Variants in FAM227A observed in about 807,000 individuals in gnomAD.
The protein encoded by FAM227A is protein FAM227A.
A neutral mutation model predicts 74.7 loss-of-function variants in FAM227A; 80 were observed. That is an observed-to-expected ratio of 1.07 (90% CI 0.89 to 1.29). The LOEUF (loss-of-function observed/expected upper bound fraction) is 1.29. FAM227A is among the 50% of genes most tolerant of loss of function. The pLI, the probability that FAM227A is intolerant of heterozygous loss-of-function variation, is 0.00. For synonymous variants in FAM227A, 237 were observed against 241.8 expected (o/e 0.98, Z 0.19); for missense variants, 654 against 683.4 (o/e 0.96, Z 0.48).
intron 15 of FAM227A, among the ~76,000 whole-genome samples, chr22:38,595,083 C>A (rs534709265): frequency 2.0e-5 from 3 of 152,144 alleles, no homozygotes; most frequent in East Asian, 3.9e-4. Flanking sequence ...GGCGACAGAG[C>A]GAGACTCCAT....
At chr22:38,638,222 C>T (rs537429687) in intron 5 of FAM227A, among the ~76,000 whole-genome samples, 2 of 152,006 alleles carry the variant, frequency 1.3e-5, no homozygotes, top group East Asian at 1.9e-4. Flanking sequence ...GGGGGCTGTG[C>T]GGTGGGGCCA....
At chr22:38,626,732 G>A (rs554420971) in intron 8 of FAM227A, among the ~76,000 whole-genome samples, 1 of 150,496 alleles carries the variant, frequency 6.6e-6, no homozygotes, top group South Asian at 2.1e-4. Flanking sequence ...AAAATAGCTG[G>A]GTGTGGTGGT....
chr22:38,621,858 G>A (rs1409865724), intron 10 of FAM227A, among the ~76,000 whole-genome samples: 2 of 152,124 alleles, frequency 1.3e-5, no homozygotes, highest in African/African-American at 2.4e-5. Flanking sequence ...CAAACGCCAC[G>A]TACTGACCTT....
chr22:38,637,648 T>C (rs1308349897), intron 5 of FAM227A, among the ~76,000 whole-genome samples: 1 of 152,230 alleles, frequency 6.6e-6, no homozygotes, highest in Non-Finnish European at 1.5e-5. Context: ...TGCAGTCAGG[T>C]GGCAGCTCCG....
chr22:38,599,827 G>A lies in FAM227A; in HGVS notation c.1316C>T (p.Ala439Val). 6.4e-7 allele frequency: 1 copy of A among 1,551,462 alleles called. No individual in the cohort carries two copies. Among genetic ancestry groups the A allele is most frequent in the Non-Finnish European group, 8.7e-7 (1 of 1,146,906 alleles). ...PLIVYFLQNY[A>V]SLQQHGKNVL... ...ATTCTTGCCGTGCTGCTGCAGACTGGCATAGTTCTGGAGAAAGTACACAAT... is the reference window on the plus strand; with the variant it reads ...ATTCTTGCCGTGCTGCTGCAGACTGACATAGTTCTGGAGAAAGTACACAAT... Residue 439 changes from alanine (A) to valine (V), a missense_variant, in exon 14 of 17, where the codon GCC becomes GTC. Physicochemically the swap from Ala to Val is moderately conservative, Grantham distance 64. Transcript: ENST00000535113.
intron 3 of FAM227A, among the ~76,000 whole-genome samples, chr22:38,642,288 G>A (rs1335128787): frequency 1.3e-5 from 2 of 152,196 alleles, no homozygotes; most frequent in Admixed American, 6.5e-5. Flanking sequence ...ATGGGAACCA[G>A]TAGCAAAGCC....
chr22:38,586,437 T>A (rs4560233), intron 16 of FAM227A, among the ~76,000 whole-genome samples: 39,914 of 151,858 alleles, frequency 0.26, 5,545 homozygotes, highest in East Asian at 0.36. Flanking sequence ...CACTGCTGTG[T>A]CGGATCTGAA....
At position 38,650,093 on chromosome 22, in the gene FAM227A, C is replaced by G. The variant is rs913986892; in HGVS notation, c.76G>C (p.Val26Leu). The G allele has an allele frequency of 1.0e-5, 16 of 1,551,928 alleles. No homozygotes were observed. The highest frequency in any genetic ancestry group is 1.2e-5 in the Non-Finnish European group (14 of 1,147,058). The change falls in exon 2 of 17, where the codon GTC becomes CTC. Residue 26 changes from valine (V) to leucine (L), a missense_variant. Coordinates refer to ENST00000535113, the MANE Select transcript of FAM227A (RefSeq NM_001013647.2). ...PMIPVDEHLA[V>L]SLVARNTMVK... ...ATTGTATTCCGTGCGACAAGCGAGA[C>G]AGCCAGGTGCTCATCCACTGGTATC... is the stretch of plus-strand genomic sequence containing the variant.
chr22:38,629,851 A>G (rs2091881783), intron 6 of FAM227A, among the ~76,000 whole-genome samples: 2 of 19,720 alleles, frequency 1.0e-4, no homozygotes, highest in Non-Finnish European at 1.7e-4. Context: ...TACCATCAGG[A>G]AGCGTGCCTC....
At position 38,597,310 on chromosome 22, in the gene FAM227A, T is replaced by C. The variant is rs1008867846; in HGVS notation, c.1426A>G (p.Ser476Gly). The C allele has an allele frequency of 3.9e-6, 6 of 1,551,926 alleles. No individual in the cohort carries two copies. In the African/African-American group the frequency reaches 8.2e-5, roughly 21 times the overall value. ...YTDVISETLC[S>G]MKKRKDNLNQ... ...AGGTTGTCTTTCCGCTTCTTCATGC[T>C]GCACAGGGTCTCGCTGATGACATCA... The change falls in exon 15 of 17, where the codon AGC (serine) becomes GGC (glycine). Residue 476 changes from serine to glycine, a missense_variant. Coordinates refer to ENST00000535113, the MANE Select transcript of FAM227A (RefSeq NM_001013647.2).
chr22:38,620,116 G>T, intron 11 of FAM227A, 96 bp downstream of exon 11: 6 of 825,334 alleles, frequency 7.3e-6, no homozygotes, highest in Non-Finnish European at 1.0e-5. Flanking sequence ...ACAGAGATGT[G>T]CAACTAACCG....
Position 38,597,358 on chromosome 22 carries a change from T to A in FAM227A, c.1380-2A>T. ...TCAGTATACGTTGGGGTGCAGTCAG[T>A]GGCTTCCGCTGTCAAGGAAATCCCC... is the stretch of plus-strand genomic sequence containing the variant. On this transcript the variant is annotated splice_acceptor_variant, in intron 14 of 16. Coordinates refer to ENST00000535113, the MANE Select transcript of FAM227A (RefSeq NM_001013647.2). LOFTEE classifies it high-confidence loss of function. 6.4e-6 allele frequency: 10 copies of A among 1,551,706 alleles called. No individual in the cohort carries two copies. The highest frequency in any genetic ancestry group is 8.7e-6 in the Non-Finnish European group (10 of 1,146,990).
chr22:38,654,656 C>A (rs371386723), intron 1 of FAM227A, among the ~76,000 whole-genome samples: 3 of 150,342 alleles, frequency 2.0e-5, no homozygotes, highest in Non-Finnish European at 4.4e-5. Context: ...AAAGGCTGGG[C>A]GCGGTGGCTC....
At chr22:38,625,578 C>T (rs1423228934) in intron 9 of FAM227A, among the ~76,000 whole-genome samples, 1 of 152,030 alleles carries the variant, frequency 6.6e-6, no homozygotes, top group African/African-American at 2.4e-5. Context: ...GGTTAACTAA[C>T]AGGGCTGTGT....
intron 13 of FAM227A, among the ~76,000 whole-genome samples, chr22:38,603,126 G>A (rs552588996): frequency 8.6e-5 from 13 of 151,974 alleles, no homozygotes; most frequent in African/African-American, 2.2e-4. Context: ...TGCCCACCTC[G>A]ACCTCCCAAA....
chr22:38,633,829 T>G (rs776893176), intron 6 of FAM227A, among the ~76,000 whole-genome samples: 2 of 152,098 alleles, frequency 1.3e-5, no homozygotes, highest in Non-Finnish European at 2.9e-5. Context: ...CGTAAGCCAC[T>G]GTGCCCGGCC....
At position 38,597,344 on chromosome 22, in the gene FAM227A, TG is replaced by T. The variant is rs2091069242; in HGVS notation, c.1391del (p.Pro464GlnfsTer14). ...TCTCGCTGATGACATCAGTATACGT[TG>T]GGGTGCAGTCAGTGGCTTCCGCTGT... The part of the protein sequence containing the change: ...EKTTSTPDCT[P>X]TYTDVISETL... On this transcript the variant is annotated frameshift_variant, in exon 15 of 17. Coordinates refer to ENST00000535113, the MANE Select transcript of FAM227A (RefSeq NM_001013647.2). LOFTEE classifies it high-confidence loss of function. 1 of 1,551,788 alleles carries T rather than the reference TG, an allele frequency of 6.4e-7. No homozygotes were observed. The highest frequency in any genetic ancestry group is 2.4e-5 in the East Asian group (1 of 40,910).
rs201914006 is a variant in FAM227A, at chr22:38,638,945, T to C, written c.296-123A>G. On this transcript the variant is annotated intron_variant, in intron 4 of 16. Transcript: ENST00000535113. ...CCAGAGGACACTCCTACTACTAGTC[T>C]CATAGGTCCCAACTGTGTTGCCGAC... 6.5e-6 allele frequency: 4 copies of C among 611,888 alleles called. No homozygotes were observed. The East Asian group carries it at 1.2e-4, about 18-fold the overall frequency. The allele number at this position is 611,888 out of a possible 1,614,324, so 37.9% of individuals were successfully genotyped here. A position where few individuals can be genotyped will look rare whatever the true frequency, so the allele number is the denominator to read the frequency against.
intron 3 of FAM227A, among the ~76,000 whole-genome samples, chr22:38,644,025 T>C (rs2092173532): frequency 6.6e-6 from 1 of 151,230 alleles, no homozygotes; most frequent in South Asian, 2.1e-4. Context: ...CGGGCGCCTG[T>C]AGTTCCAGCT....
Sources: allele counts gnomAD v4.1 joint callset (sites outside exome capture counted in the v4.1 genomes callset), GRCh38; gene constraint gnomAD v4.1.1; transcripts MANE v1.5; gene names NCBI Gene and HGNC (gene_info 2026-07-23, HGNC 2026-07-21).